The following PPEF1 variants were observed in gnomAD, a reference collection of about 807,000 sequenced individuals.
The protein encoded by PPEF1 is serine/threonine-protein phosphatase with EF-hands 1.
A neutral mutation model predicts 53.3 loss-of-function variants in PPEF1; 12 were observed. That is an observed-to-expected ratio of 0.23 (90% CI 0.14 to 0.36). The LOEUF (loss-of-function observed/expected upper bound fraction) is 0.36. PPEF1 is among the 10% of genes least tolerant of loss of function. The pLI is 1.00. For synonymous variants in PPEF1, 165 were observed against 176.7 expected, an observed-to-expected ratio of 0.93 and a Z score of 0.52; for missense variants, 334 against 490.4, an observed-to-expected ratio of 0.68 and a Z score of 3.01.
At chrX:18,777,060 C>T (rs896046268) in intron 6 of PPEF1, among the ~76,000 whole-genome samples, 3 of 112,336 alleles carry the variant, frequency 2.7e-5, no homozygotes, top group African/African-American at 6.5e-5. Context: ...CCAAAATAGC[C>T]GTGTGTGGTA....
intron 13 of PPEF1, among the ~76,000 whole-genome samples, chrX:18,821,806 A>AC: frequency 1.3e-5 from 1 of 76,704 alleles, no homozygotes; most frequent in East Asian, 3.5e-4. Flanking sequence ...AGAGAGAGAA[A>AC]ACAAATAACC....
intron 6 of PPEF1, among the ~76,000 whole-genome samples, chrX:18,769,960 C>G (rs1467466860): frequency 9.0e-6 from 1 of 111,692 alleles, no homozygotes; most frequent in African/African-American, 3.3e-5. Flanking sequence ...GTTTTTGTCT[C>G]TGTTTAAGTT....
At chrX:18,728,026 T>C (rs1175875556) in intron 1 of PPEF1, among the ~76,000 whole-genome samples, 2 of 110,593 alleles carry the variant, frequency 1.8e-5, no homozygotes, top group African/African-American at 6.6e-5. Context: ...CTTAAGCCCA[T>C]AATGAGAAAG....
intron 4 of PPEF1, among the ~76,000 whole-genome samples, chrX:18,697,495 A>G (rs1929793859): frequency 9.0e-6 from 1 of 110,679 alleles, no homozygotes; most frequent in Non-Finnish European, 1.9e-5. Context: ...GCTGATGCCT[A>G]GTCAGTCATC....
intron 1 of PPEF1, among the ~76,000 whole-genome samples, chrX:18,720,651 A>G (rs1180681029): frequency 9.0e-6 from 1 of 111,691 alleles, no homozygotes; most frequent in East Asian, 2.8e-4. Context: ...ATCCTGAGAT[A>G]AGTTTACCAA....
upstream of PPEF1, among the ~76,000 whole-genome samples, chrX:18,675,092 T>C (rs1928623392): frequency 8.9e-6 from 1 of 112,678 alleles, no homozygotes; most frequent in Admixed American, 9.2e-5. Context: ...GCGAGGAGTT[T>C]GCGGCGGCTT....
At chrX:18,706,200 A>G (rs754222946), upstream of PPEF1, among the ~76,000 whole-genome samples, 32 of 96,959 alleles carry the variant, frequency 3.3e-4, 1 homozygote, top group South Asian at 0.017. Flanking sequence ...CCTGGGTGAC[A>G]GAGTGAGACC....
chrX:18,710,544 G>T (rs1484407954), intron 1 of PPEF1, among the ~76,000 whole-genome samples: 1 of 111,512 alleles, frequency 9.0e-6, no homozygotes, highest in Admixed American at 9.6e-5. Flanking sequence ...TCAAAAGAAG[G>T]CATACAAATG....
intron 5 of PPEF1, among the ~76,000 whole-genome samples, chrX:18,760,231 C>T (rs1300551310): frequency 9.0e-6 from 1 of 111,302 alleles, no homozygotes; most frequent in African/African-American, 3.3e-5. Context: ...AAGTGATCCA[C>T]CTGCCTCGGC....
At chrX:18,734,691 G>A (rs1166141899) in intron 3 of PPEF1, among the ~76,000 whole-genome samples, 1 of 111,345 alleles carries the variant, frequency 9.0e-6, no homozygotes, top group African/African-American at 3.3e-5. Flanking sequence ...CTAGATCCTT[G>A]AGGAATCGCC....
At chrX:18,708,651 T>C (rs946099524) in intron 1 of PPEF1, among the ~76,000 whole-genome samples, 14 of 111,769 alleles carry the variant, frequency 1.3e-4, no homozygotes, top group African/African-American at 4.2e-4. Flanking sequence ...AGGTGGAGGG[T>C]TTAGGATGCA....
Position 18,707,802 on chromosome X carries a change from A to T in PPEF1, c.22A>T (p.Thr8Ser). The change falls in exon 1 of 16, where the codon ACG becomes TCG. Residue 8 changes from threonine to serine, a missense_variant. Coordinates refer to ENST00000470157, the MANE Select transcript of PPEF1 (RefSeq NM_001377996.1). ...AGTCATGGGATGCAGCAGTTCTTCA[A>T]CGAAAACCAGGAGATCTGACACATG... MGCSSSSTKTRRSDTSLR... is the reference protein window; with the variant it reads MGCSSSSSKTRRSDTSLR... 1 of 1,210,112 alleles carries T rather than the reference A, an allele frequency of 8.3e-7. No homozygotes were observed.
chrX:18,795,538 T>C (rs1344304437), intron 10 of PPEF1, among the ~76,000 whole-genome samples: 2 of 112,094 alleles, frequency 1.8e-5, no homozygotes, highest in Admixed American at 1.9e-4. Context: ...GAGTAAGATC[T>C]ATAAATATTC....
intron 1 of PPEF1, among the ~76,000 whole-genome samples, chrX:18,719,520 T>C (rs1048707140): frequency 1.8e-5 from 2 of 109,614 alleles, no homozygotes; most frequent in Non-Finnish European, 3.8e-5. Flanking sequence ...TTAATTGTTA[T>C]AGTTTTTGTA....
chrX:18,727,922 C>T (rs1602386670), intron 1 of PPEF1, among the ~76,000 whole-genome samples: 1 of 112,080 alleles, frequency 8.9e-6, no homozygotes, highest in African/African-American at 3.2e-5. Context: ...AGAACCTCCA[C>T]TGTTTCGCTA....
At chrX:18,781,597 A>G (rs2046086899) in intron 7 of PPEF1, among the ~76,000 whole-genome samples, 1 of 111,792 alleles carries the variant, frequency 8.9e-6, no homozygotes, top group Admixed American at 9.5e-5. Context: ...ATTAAATAGT[A>G]TGGACACCTT....
At chrX:18,799,321 G>T (rs1390716565) in intron 10 of PPEF1, among the ~76,000 whole-genome samples, 1 of 110,354 alleles carries the variant, frequency 9.1e-6, no homozygotes, top group Non-Finnish European at 1.9e-5. Flanking sequence ...CAGGAGAATT[G>T]CTCGAACCCA....
At chrX:18,800,189 C>T (rs2046520837) in intron 10 of PPEF1, among the ~76,000 whole-genome samples, 1 of 111,396 alleles carries the variant, frequency 9.0e-6, no homozygotes, top group African/African-American at 3.3e-5. Context: ...TTGGCCAGTG[C>T]TTATTCTAGT....
At chrX:18,819,085 C>T (rs1213363375) in intron 13 of PPEF1, among the ~76,000 whole-genome samples, 1 of 111,316 alleles carries the variant, frequency 9.0e-6, no homozygotes, top group African/African-American at 3.3e-5. Flanking sequence ...TAATTTTGGC[C>T]ACTCACGTAT....
Sources: gnomAD v4.1 joint callset for allele counts (sites outside exome capture counted in the v4.1 genomes callset) on GRCh38, gnomAD v4.1.1 for gene constraint, MANE v1.5 for transcripts, NCBI Gene and HGNC (gene_info 2026-07-23, HGNC 2026-07-21) for gene names.